The following ETV7 variants were observed in gnomAD, a reference collection of about 807,000 sequenced individuals.
The protein encoded by ETV7 is ETS variant transcription factor 7.
In ETV7, 43 loss-of-function variants were observed where a neutral mutation model predicts 39.1. The observed-to-expected ratio is 1.10, with a 90% CI of 0.86 to 1.42. The LOEUF (loss-of-function observed/expected upper bound fraction) is 1.42, where lower values mean the gene tolerates loss of function less well. ETV7 is among the 40% of genes most tolerant of loss of function. The pLI, the probability that ETV7 is intolerant of heterozygous loss-of-function variation, is 0.00. For missense variants in ETV7, 432 were observed against 442.3 expected (o/e 0.98, Z 0.21); for synonymous variants, 196 against 176.6 (o/e 1.11, Z -0.87).
chr6:36,371,417 A>G lies in ETV7; in HGVS notation c.577T>C (p.Cys193Arg). 3 of 1,603,192 alleles carry G rather than the reference A, an allele frequency of 1.9e-6. No individual in the cohort carries two copies. The highest frequency in any genetic ancestry group is 8.5e-7 in the Non-Finnish European group (1 of 1,174,296). ...CTGCAGCCGAGCTCTGCACAGTGAC[A>G]TAAGTTGAGGGACTCCTCCTTGCCA... is the stretch of plus-strand genomic sequence containing the variant. The part of the protein sequence containing the change: ...TPGKEESLNL[C>R]HCAELGCRTQ... The change falls in exon 5 of 8, where the codon TGT (cysteine) becomes CGT (arginine). Residue 193 changes from cysteine (C) to arginine (R), a missense_variant. Transcript: ENST00000340181.
chr6:36,371,376 ACAGACCCCCTG>A lies in ETV7; in HGVS notation c.607_617del (p.Gln203PhefsTer11). ...GGGCCTGCGGCATCGCGGGGAAGGA[ACAGACCCCCTG>A]GGTCCTGCAGCCGAGCTCTGCACAG... is the stretch of plus-strand genomic sequence containing the variant. On this transcript the variant is annotated frameshift_variant, in exon 5 of 8. Coordinates refer to ENST00000340181, the MANE Select transcript of ETV7 (RefSeq NM_016135.4). LOFTEE classifies it high-confidence loss of function. The A allele has an allele frequency of 6.2e-7, 1 of 1,601,362 alleles. No homozygotes were observed. Among genetic ancestry groups the A allele is most frequent in the Non-Finnish European group, 8.5e-7 (1 of 1,173,258 alleles).
At chr6:36,368,876 C>T (rs1772854224) in intron 6 of ETV7, 53 bp downstream of exon 6, 3 of 1,612,364 alleles carry the variant, frequency 1.9e-6, no homozygotes, top group South Asian at 2.2e-5. Context: ...CTCTGACCCC[C>T]AACTCTGTCC....
At chr6:36,387,488 GC>G (rs773148559) in intron 1 of ETV7, 47 bp downstream of exon 1, 1 of 1,613,546 alleles carries the variant, frequency 6.2e-7, no homozygotes, top group South Asian at 1.1e-5. Context: ...GGATGCGGGA[GC>G]AGGTGGCTCT....
At chr6:36,373,171 T>G (rs1773119432) in intron 4 of ETV7, among the ~76,000 whole-genome samples, 1 of 152,002 alleles carries the variant, frequency 6.6e-6, no homozygotes, top group South Asian at 2.1e-4. Flanking sequence ...TCTGGAGACC[T>G]TGACAAGTGG....
intron 1 of ETV7, among the ~76,000 whole-genome samples, chr6:36,387,143 G>A (rs571028070): frequency 1.3e-5 from 2 of 152,342 alleles, no homozygotes; most frequent in East Asian, 3.9e-4. Context: ...AAACCGGCGA[G>A]TGGGGAGAGG....
In ETV7 at chr6:36,373,424, A is replaced by G. The variant is rs759467282; in HGVS notation, c.433+29T>C. ...CCAGTGAGGCTGATTTGAGGGAGGT[A>G]CTCCGAGCACCACAGAGAGCTTCCT... is the stretch of plus-strand genomic sequence containing the variant. On this transcript the variant is annotated intron_variant, in intron 4 of 7. Coordinates refer to ENST00000340181, the MANE Select transcript of ETV7 (RefSeq NM_016135.4). 5 of 1,506,180 alleles carry G rather than the reference A, an allele frequency of 3.3e-6. No homozygotes were observed. The African/African-American group carries it at 7.2e-5, about 22-fold the overall frequency. The allele number at this position is 1,506,180 out of a possible 1,614,324, so 93.3% of individuals were successfully genotyped here.
At chr6:36,376,966 G>A (rs899299299) in intron 2 of ETV7, among the ~76,000 whole-genome samples, 1 of 152,064 alleles carries the variant, frequency 6.6e-6, no homozygotes, top group Admixed American at 6.6e-5. Flanking sequence ...CAGCCCAGGG[G>A]ACAAAGGGAG....
At chr6:36,363,927 C>G (rs990740743), downstream of ETV7, among the ~76,000 whole-genome samples, 9 of 150,606 alleles carry the variant, frequency 6.0e-5, no homozygotes, top group East Asian at 1.8e-3. Flanking sequence ...TACAGAGTGC[C>G]GATTGGTGTA....
chr6:36,366,209 T>G lies in ETV7; in HGVS notation c.*436A>C. ...GAAAGAAACATCAGCTACCATTGTT[T>G]TTATTGTTACTGAGGCTGTCAGTGC... On this transcript the variant is annotated 3_prime_UTR_variant, in exon 8 of 8. Transcript: ENST00000340181. 1 of 1,009,866 alleles carries G rather than the reference T, an allele frequency of 9.9e-7. No homozygotes were observed. Among genetic ancestry groups the G allele is most frequent in the Non-Finnish European group, 1.2e-6 (1 of 843,972 alleles). The allele number at this position is 1,009,866 out of a possible 1,614,324, so 62.6% of individuals were successfully genotyped here.
At chr6:36,387,114 C>T (rs1398804801) in intron 1 of ETV7, among the ~76,000 whole-genome samples, 2 of 151,992 alleles carry the variant, frequency 1.3e-5, no homozygotes, top group African/African-American at 4.8e-5. Flanking sequence ...GCTCTGGGGG[C>T]AGTCTCGAGG....
At chr6:36,362,641 C>T (rs139314500), downstream of ETV7, among the ~76,000 whole-genome samples, 6 of 152,330 alleles carry the variant, frequency 3.9e-5, no homozygotes, top group African/African-American at 1.2e-4. Context: ...TTACTCCAGG[C>T]ACCCAGGGGT....
intron 3 of ETV7, 123 bp downstream of exon 3, chr6:36,375,748 G>T: frequency 6.7e-7 from 1 of 1,503,128 alleles, no homozygotes; most frequent in Non-Finnish European, 9.1e-7. Flanking sequence ...TGCAGTGCTG[G>T]AAATGAGCAT....
At chr6:36,361,251 G>T (rs1016011459), downstream of ETV7, among the ~76,000 whole-genome samples, 3 of 152,318 alleles carry the variant, frequency 2.0e-5, no homozygotes, top group Admixed American at 6.5e-5. Flanking sequence ...GAGGGCCGAG[G>T]TGTCACTGAG....
chr6:36,373,302 G>A (rs1037514263), intron 4 of ETV7, 151 bp downstream of exon 4: 3 of 859,816 alleles, frequency 3.5e-6, no homozygotes, highest in East Asian at 3.5e-5. Context: ...GGGCGGCCAG[G>A]AACGCCCCAG....
At chr6:36,373,341 G>C (rs920472024) in intron 4 of ETV7, 112 bp downstream of exon 4, 6 of 1,298,802 alleles carry the variant, frequency 4.6e-6, no homozygotes, top group East Asian at 3.1e-5. Flanking sequence ...GGCGGGAGGG[G>C]AGCTTGCCCA....
At chr6:36,379,391 A>T (rs6457909) in intron 2 of ETV7, among the ~76,000 whole-genome samples, 135,352 of 151,956 alleles carry the variant, frequency 0.89, 60,598 homozygotes, top group African/African-American at 0.97. Context: ...AAACAAAAAA[A>T]TTTTTTTTAA....
intron 2 of ETV7, among the ~76,000 whole-genome samples, chr6:36,378,136 G>T (rs1432076625): frequency 6.6e-6 from 1 of 151,844 alleles, no homozygotes; most frequent in Non-Finnish European, 1.5e-5. Context: ...AAGTGTTCAT[G>T]CACGCACACA....
chr6:36,369,715 C>G (rs916692533), intron 5 of ETV7, among the ~76,000 whole-genome samples: 2 of 152,106 alleles, frequency 1.3e-5, no homozygotes, highest in Non-Finnish European at 2.9e-5. Context: ...ACATAATAGA[C>G]CACAAAACCC....
At chr6:36,363,848 T>C (rs1772616828), downstream of ETV7, among the ~76,000 whole-genome samples, 1 of 152,016 alleles carries the variant, frequency 6.6e-6, no homozygotes, top group Non-Finnish European at 1.5e-5. Flanking sequence ...AGAGTGTCGA[T>C]TGGTGCATTC....
Sources: allele counts gnomAD v4.1 joint callset (sites outside exome capture counted in the v4.1 genomes callset), GRCh38; gene constraint gnomAD v4.1.1; transcripts MANE v1.5; gene names NCBI Gene and HGNC (gene_info 2026-07-23, HGNC 2026-07-21).